The following RAB6A variants were observed in gnomAD, a reference collection of about 807,000 sequenced individuals.
RAB6A encodes ras-related protein Rab-6A.
Under a neutral mutation model 32.3 loss-of-function variants are expected in RAB6A, and 8 were observed. The observed-to-expected ratio is 0.25, with a 90% CI of 0.15 to 0.45. The LOEUF (loss-of-function observed/expected upper bound fraction) is 0.45, where lower values mean the gene tolerates loss of function less well. Among genes scored for constraint, RAB6A ranks in the 20% least tolerant of loss-of-function variants. The pLI is 1.00. For synonymous variants in RAB6A, 73 were observed against 82.1 expected, an observed-to-expected ratio of 0.89 and a Z score of 0.60; for missense variants, 104 against 249.4, an observed-to-expected ratio of 0.42 and a Z score of 3.93.
At chr11:73,716,451 G>C in intron 4 of RAB6A, 89 bp from the exon 5 acceptor site, 2 of 850,114 alleles carry the variant, frequency 2.4e-6, no homozygotes, top group South Asian at 3.1e-5. Flanking sequence ...AGCCCTGGAA[G>C]TTGGAAGGGG....
At chr11:73,759,926 CT>C in intron 1 of RAB6A, 1 of 887,770 alleles carries the variant, frequency 1.1e-6, no homozygotes, top group Non-Finnish European at 1.5e-6. Flanking sequence ...GACGCTACCC[CT>C]TTCACCCCCA....
At chr11:73,749,082 G>T (rs975524941) in intron 1 of RAB6A, among the ~76,000 whole-genome samples, 1 of 151,692 alleles carries the variant, frequency 6.6e-6, no homozygotes. Context: ...CCGAGATCAC[G>T]ACACTGCACT....
chr11:73,735,955 G>GAGA (rs1263020743), intron 1 of RAB6A, among the ~76,000 whole-genome samples: 2 of 143,134 alleles, frequency 1.4e-5, no homozygotes, highest in Non-Finnish European at 3.0e-5. Context: ...GAGAGACAGA[G>GAGA]AGAGATAAAT....
chr11:73,691,861 T>C (rs1342805150), intron 6 of RAB6A, among the ~76,000 whole-genome samples: 1 of 151,856 alleles, frequency 6.6e-6, no homozygotes, highest in Admixed American at 6.6e-5. Context: ...TAGTCCCAGC[T>C]ACTAGGGAGG....
intron 1 of RAB6A, among the ~76,000 whole-genome samples, chr11:73,735,312 G>A (rs1437515178): frequency 6.6e-6 from 1 of 152,124 alleles, no homozygotes; most frequent in Admixed American, 6.6e-5. Context: ...TTGTAGCCCA[G>A]GGCAAATATA....
intron 1 of RAB6A, among the ~76,000 whole-genome samples, chr11:73,737,138 G>A (rs1008065599): frequency 5.9e-5 from 9 of 152,160 alleles, no homozygotes; most frequent in Admixed American, 1.3e-4. Context: ...AGAAAATGTT[G>A]AAATGTTTGG....
At chr11:73,742,041 G>T (rs60239378) in intron 1 of RAB6A, among the ~76,000 whole-genome samples, 1 of 152,096 alleles carries the variant, frequency 6.6e-6, no homozygotes, top group South Asian at 2.1e-4. Context: ...CAGCACGTTG[G>T]GAGGCTGAGG....
chr11:73,726,606 A>AAAAAAAT (rs1946226929), intron 2 of RAB6A, among the ~76,000 whole-genome samples: 1 of 146,222 alleles, frequency 6.8e-6, no homozygotes, highest in Non-Finnish European at 1.5e-5. Context: ...AAAAAAAAAA[A>AAAAAAAT]GGCATAGTGG....
intron 6 of RAB6A, among the ~76,000 whole-genome samples, chr11:73,693,949 T>G (rs942811510): frequency 6.6e-6 from 1 of 152,184 alleles, no homozygotes; most frequent in African/African-American, 2.4e-5. Flanking sequence ...TGAAAGTTAT[T>G]AGAAATACCT....
chr11:73,760,197 GC>G, intron 1 of RAB6A: 1 of 1,019,276 alleles, frequency 9.8e-7, no homozygotes, highest in Non-Finnish European at 1.4e-6. Context: ...TGGGAAAAGA[GC>G]AAGGAATAAG....
intron 5 of RAB6A, among the ~76,000 whole-genome samples, chr11:73,715,388 T>C (rs1263526212): frequency 3.3e-5 from 5 of 152,180 alleles, no homozygotes; most frequent in African/African-American, 4.8e-5. Flanking sequence ...CCTCCCAAAG[T>C]GCTGGGATTA....
At position 73,760,660 on chromosome 11, in the gene RAB6A, G is replaced by GC; in HGVS notation, c.-26dup. ...TTGTGGAACTAGAGGAGCGGCCGCC[G>GC]CCTCAGCCTAGAGACCTCCCGGACC... On this transcript the variant is annotated 5_prime_UTR_variant, in exon 1 of 8. Transcript: ENST00000336083. The GC allele has an allele frequency of 6.3e-7, 1 of 1,599,298 alleles. No homozygotes were observed. Among genetic ancestry groups the GC allele is most frequent in the Non-Finnish European group, 8.5e-7 (1 of 1,173,430 alleles).
intron 6 of RAB6A, among the ~76,000 whole-genome samples, chr11:73,706,290 C>T (rs1279553947): frequency 1.3e-5 from 2 of 151,864 alleles, no homozygotes; most frequent in African/African-American, 4.8e-5. Flanking sequence ...CTGAGGCAGG[C>T]AGATCACGAG....
intron 2 of RAB6A, among the ~76,000 whole-genome samples, chr11:73,726,440 G>A (rs1436829082): frequency 6.6e-6 from 1 of 151,752 alleles, no homozygotes; most frequent in Non-Finnish European, 1.5e-5. Flanking sequence ...AAATTAGCCA[G>A]GCGTGGTGGC....
chr11:73,711,676 TA>T (rs1945959826), intron 5 of RAB6A, among the ~76,000 whole-genome samples: 1 of 152,228 alleles, frequency 6.6e-6, no homozygotes, highest in African/African-American at 2.4e-5. Flanking sequence ...TAAATGTCGA[TA>T]TTAGATATTG....
chr11:73,739,729 T>G (rs1054137140), intron 1 of RAB6A, among the ~76,000 whole-genome samples: 8 of 152,044 alleles, frequency 5.3e-5, no homozygotes, highest in African/African-American at 1.9e-4. Flanking sequence ...ATACCTAGGA[T>G]TCACACAATC....
chr11:73,741,637 CTG>C (rs1946497379), intron 1 of RAB6A, among the ~76,000 whole-genome samples: 1 of 152,070 alleles, frequency 6.6e-6, no homozygotes. Context: ...GATACACAAA[CTG>C]TGGTATATCC....
chr11:73,734,189 G>A lies in RAB6A; in HGVS notation c.71-3366C>T, dbSNP rs368232361. ...CGCCCAGGCTGGAGTGCAGTGACAC[G>A]ATATCAGCTCACTGCAACCTTCACC... On this transcript the variant is annotated intron_variant, in intron 1 of 7. Transcript: ENST00000336083. Among the ~76,000 whole-genome samples, 75 of 152,196 alleles carry A rather than the reference G, an allele frequency of 4.9e-4. No individual in the cohort carries two copies. In the South Asian group the frequency reaches 0.011, roughly 23 times the overall value.
intron 2 of RAB6A, among the ~76,000 whole-genome samples, chr11:73,722,928 T>A (rs1426928632): frequency 1.3e-5 from 2 of 152,078 alleles, no homozygotes; most frequent in Non-Finnish European, 2.9e-5. Flanking sequence ...TGCCTCAGCC[T>A]CTCAAGTAGC....
Sources: gnomAD v4.1 joint callset for allele counts (sites outside exome capture counted in the v4.1 genomes callset) on GRCh38, gnomAD v4.1.1 for gene constraint, MANE v1.5 for transcripts, NCBI Gene and HGNC (gene_info 2026-07-23, HGNC 2026-07-21) for gene names.